FXYD1: variants seen among roughly 807,000 people sequenced by gnomAD.
FXYD1 encodes FXYD domain containing ion transport regulator 1, also known as phospholemman.
A neutral mutation model predicts 17.2 loss-of-function variants in FXYD1; 9 were observed. The observed-to-expected ratio is 0.52, with a 90% CI of 0.32 to 0.91. The LOEUF (loss-of-function observed/expected upper bound fraction) is 0.91, where lower values mean the gene tolerates loss of function less well. Among genes scored for constraint, FXYD1 ranks in the 40% least tolerant of loss-of-function variants. FXYD1 has a pLI of 0.04. For missense variants in FXYD1, 113 were observed against 120.6 expected (o/e 0.94, Z 0.29); for synonymous variants, 55 against 45.8 (o/e 1.20, Z -0.81).
At chr19:35,142,408 G>T in intron 5 of FXYD1, 64 bp from the exon 6 acceptor site, 7 of 1,244,776 alleles carry the variant, frequency 5.6e-6, no homozygotes, top group Non-Finnish European at 6.9e-6. Flanking sequence ...TGTACTGGGG[G>T]GTTCCTAGAA....
At chr19:35,140,664 G>A in intron 3 of FXYD1, 35 bp downstream of exon 3, 1 of 1,600,424 alleles carries the variant, frequency 6.2e-7, no homozygotes, top group South Asian at 1.1e-5. Flanking sequence ...TCCTGGGGGA[G>A]AGCCTGGCTT....
intron 2 of FXYD1, 80 bp downstream of exon 2, chr19:35,140,220 C>A: frequency 1.2e-6 from 1 of 835,702 alleles, no homozygotes; most frequent in Non-Finnish European, 2.1e-6. Flanking sequence ...GTTGGAGACC[C>A]CAACCTAGAC....
intron 1 of FXYD1, chr19:35,139,534 G>A (rs538614953): frequency 6.5e-6 from 1 of 155,012 alleles, no homozygotes; most frequent in Admixed American, 6.4e-5. Flanking sequence ...GACCCCCTGA[G>A]TGGGGGAAGG....
intron 1 of FXYD1, 113 bp from the exon 2 acceptor site, chr19:35,139,963 A>T (rs2065236135): frequency 2.2e-6 from 2 of 924,632 alleles, no homozygotes; most frequent in Non-Finnish European, 3.5e-6. Flanking sequence ...AAGATAGAGG[A>T]CAAACACTTC....
chr19:35,138,263 G>A (rs2065220484), upstream of FXYD1: 1 of 152,238 alleles, frequency 6.6e-6, no homozygotes, highest in African/African-American at 2.4e-5. Context: ...ATACATACAT[G>A]GTTTTGTCTG....
At position 35,140,533 on chromosome 19, in the gene FXYD1, C is replaced by G. The variant is rs1212824571; in HGVS notation, c.62-64C>G. 6.2e-6 allele frequency: 9 copies of G among 1,459,620 alleles called. No individual in the cohort carries two copies. The South Asian group carries it at 9.1e-5, about 15-fold the overall frequency. 90.4% of individuals were successfully genotyped at this position (1,459,620 alleles called of 1,614,324 possible). A position where few individuals can be genotyped will look rare whatever the true frequency, so the allele number is the denominator to read the frequency against. ...AGCAAGGCAGAGCCTCCAGTGGTCT[C>G]CTCATGCCCCTCCCTGCCAGGACCC... On this transcript the variant is annotated intron_variant, in intron 2 of 7. Coordinates refer to ENST00000351325, the MANE Select transcript of FXYD1 (RefSeq NM_021902.4).
chr19:35,142,171 TCCAACCCAGG>T lies in FXYD1; in HGVS notation c.207-297_207-288del, dbSNP rs913623660. ...AGTGGAAGATGGGGGGTTCTGGGTT[TCCAACCCAGG>T]CCATCTCATGGCAGTCTGCCAAGTC... On this transcript the variant is annotated intron_variant, in intron 5 of 7. Transcript: ENST00000351325. 8.8e-6 allele frequency: 3 copies of T among 339,866 alleles called. No individual in the cohort carries two copies. The Admixed American group carries it at 1.4e-4, about 16-fold the overall frequency. The allele number at this position is 339,866 out of a possible 1,614,324, so 21.1% of individuals were successfully genotyped here.
At chr19:35,142,054 C>T (rs554246552) in intron 5 of FXYD1, among the ~76,000 whole-genome samples, 2 of 152,344 alleles carry the variant, frequency 1.3e-5, no homozygotes, top group South Asian at 4.1e-4. Flanking sequence ...GGTTTCACTT[C>T]CTCTGGGAGG....
intron 4 of FXYD1, 23 bp from the exon 5 acceptor site, chr19:35,141,513 C>G (rs2065255355): frequency 2.5e-6 from 4 of 1,604,054 alleles, no homozygotes; most frequent in Non-Finnish European, 3.4e-6. Flanking sequence ...GCCTCAGCTT[C>G]TCCTACCTCT....
At chr19:35,142,838 G>C in intron 7 of FXYD1, 67 bp downstream of exon 7, 1 of 1,232,096 alleles carries the variant, frequency 8.1e-7, no homozygotes, top group Non-Finnish European at 1.2e-6. Context: ...GAGGGAGGGG[G>C]CCAAGTGCCA....
upstream of FXYD1, chr19:35,138,141 G>A (rs550313859): frequency 3.3e-5 from 5 of 152,448 alleles, no homozygotes; most frequent in East Asian, 9.6e-4. Context: ...AGACATAAAT[G>A]TGCTTGTTCT....
rs1220418247 is a variant in FXYD1, at chr19:35,142,527, T to A, written c.256+6T>A. 2 of 1,612,640 alleles carry A rather than the reference T, an allele frequency of 1.2e-6. No homozygotes were observed. Among genetic ancestry groups the A allele is most frequent in the Non-Finnish European group, 1.7e-6 (2 of 1,179,052 alleles). ...TTTCCGCAGCTCCATCCGCCGTGAG[T>A]CTGGGGAGACTGCGGGTATTCTGGG... On this transcript the variant is annotated splice_donor_region_variant and intron_variant, in intron 6 of 7. Coordinates refer to ENST00000351325, the MANE Select transcript of FXYD1 (RefSeq NM_021902.4).
rs1378011322 is a variant in FXYD1, at chr19:35,141,582, C to G, written c.206+10C>G. On this transcript the variant is annotated intron_variant, in intron 5 of 7. Transcript: ENST00000351325. ...TCAACCAGCAGCAGAGGTAAGACGC[C>G]CCTCCCCGCCCTCCTTCGCCCGCTC... is the stretch of plus-strand genomic sequence containing the variant. The G allele has an allele frequency of 1.1e-5, 18 of 1,605,828 alleles. No individual in the cohort carries two copies. The highest frequency in any genetic ancestry group is 1.5e-5 in the Non-Finnish European group (18 of 1,175,480).
In FXYD1 at chr19:35,140,624, CT is replaced by C; in HGVS notation, c.91del (p.Tyr31ThrfsTer26). The C allele has an allele frequency of 1.2e-6, 2 of 1,613,628 alleles. No homozygotes were observed. The highest frequency in any genetic ancestry group is 2.2e-5 in the South Asian group (2 of 91,076). ...AESPKEHDPFTYDYQSLQIGG... is the reference protein window; with the variant it reads ...AESPKEHDPFXYDYQSLQIGG... ...AGTCCAAAGGAACACGACCCGTTCA[CT>C]TACGGTGAGCGGGGGGTCTAATTTT... On this transcript the variant is annotated frameshift_variant, in exon 3 of 8. Transcript: ENST00000351325. LOFTEE classifies it high-confidence loss of function.
chr19:35,141,843 G>C (rs2065259741), intron 5 of FXYD1, among the ~76,000 whole-genome samples: 1 of 152,238 alleles, frequency 6.6e-6, no homozygotes. Context: ...ATAACACAAA[G>C]TGCAGGAAAG....
chr19:35,142,363 C>T, intron 5 of FXYD1, 109 bp from the exon 6 acceptor site: 1 of 812,082 alleles, frequency 1.2e-6, no homozygotes, highest in African/African-American at 1.7e-5. Flanking sequence ...TCGTCCATAT[C>T]TGGGCCTAGT....
intron 5 of FXYD1, 46 bp downstream of exon 5, chr19:35,141,618 G>A: frequency 5.2e-6 from 8 of 1,537,340 alleles, no homozygotes; most frequent in Non-Finnish European, 7.2e-6. Context: ...CTGCTCTGGA[G>A]GGCGCCGCGG....
intron 1 of FXYD1, 40 bp downstream of exon 1, chr19:35,138,934 G>C (rs917197269): frequency 1.3e-5 from 2 of 152,396 alleles, no homozygotes; most frequent in African/African-American, 2.4e-5. Context: ...CCTCACCCCT[G>C]GTCTGGCTGG....
At chr19:35,139,638 G>A (rs545464669) in intron 1 of FXYD1, 187 of 170,912 alleles carry the variant, frequency 1.1e-3, no homozygotes, top group African/African-American at 2.7e-3. Flanking sequence ...GCGGGCGGGC[G>A]GAGAGGGCAG....
Sources: allele counts gnomAD v4.1 joint callset (sites outside exome capture counted in the v4.1 genomes callset), GRCh38; gene constraint gnomAD v4.1.1; transcripts MANE v1.5; gene names NCBI Gene and HGNC (gene_info 2026-07-23, HGNC 2026-07-21).